The following PARD3B variants were observed in gnomAD, a reference collection of about 807,000 sequenced individuals.
PARD3B encodes par-3 family cell polarity regulator beta.
Under a neutral mutation model 130.2 loss-of-function variants are expected in PARD3B, and 103 were observed. The ratio of observed to expected loss-of-function variants is 0.79; its 90% confidence interval spans 0.67 to 0.93. The LOEUF is 0.93. Ranked by LOEUF, PARD3B falls within the 40% of genes least tolerant of loss-of-function variation. The pLI, the probability that PARD3B is intolerant of heterozygous loss-of-function variation, is 0.00. For synonymous variants in PARD3B, 583 were observed against 553.2 expected (o/e 1.05, Z -0.76); for missense variants, 1,609 against 1,499.2 (o/e 1.07, Z -1.21).
Position 205,558,549 on chromosome 2 carries a change from A to G in PARD3B, c.3260+5146A>G, listed in dbSNP as rs2052998885. Among the ~76,000 whole-genome samples the G allele has an allele frequency of 6.6e-6, 1 of 152,070 alleles. No homozygotes were observed. Among genetic ancestry groups the G allele is most frequent in the African/African-American group, 2.4e-5 (1 of 41,382 alleles). ...CATTTCCTAAGAAAAAGTGGGCTATACCTGTTGGTTCTATTTCCACTCAAC... is the reference window on the plus strand; with the variant it reads ...CATTTCCTAAGAAAAAGTGGGCTATGCCTGTTGGTTCTATTTCCACTCAAC... On this transcript the variant is annotated intron_variant, in intron 22 of 22. Coordinates refer to ENST00000406610, the MANE Select transcript of PARD3B (RefSeq NM_001302769.2). The surrounding 1 kb of genome is among the most constrained non-coding windows in gnomAD (Gnocchi z 4.8).
intron 2 of PARD3B, among the ~76,000 whole-genome samples, chr2:204,798,598 C>T (rs1265151523): frequency 6.6e-6 from 1 of 152,066 alleles, no homozygotes; most frequent in Non-Finnish European, 1.5e-5. Flanking sequence ...GCCCTTAGCC[C>T]CAGGCAGCAC....
chr2:205,514,487 A>G (rs2050711100), intron 21 of PARD3B, among the ~76,000 whole-genome samples: 1 of 152,174 alleles, frequency 6.6e-6, no homozygotes, highest in Admixed American at 6.6e-5. Context: ...GAACTAAAAA[A>G]GACATTTTTA....
intron 2 of PARD3B, among the ~76,000 whole-genome samples, chr2:204,860,595 A>G (rs1262776315): frequency 6.6e-6 from 1 of 152,210 alleles, no homozygotes; most frequent in East Asian, 1.9e-4. Flanking sequence ...CTGGTAAAAG[A>G]TATTCAATTG....
chr2:205,176,515 G>A lies in PARD3B; in HGVS notation c.1862G>A (p.Arg621Lys). The A allele has an allele frequency of 6.2e-7, 1 of 1,612,884 alleles. No individual in the cohort carries two copies. Among genetic ancestry groups the A allele is most frequent in the Non-Finnish European group, 8.5e-7 (1 of 1,179,146 alleles). The change falls in exon 13 of 23, where the codon AGG becomes AAG. Residue 621 changes from arginine (R) to lysine (K), a missense_variant. Arg to Lys is a conservative substitution (Grantham distance 26, BLOSUM62 2). Transcript: ENST00000406610. This position sits in a 1 kb window ranked among gnomAD's most constrained non-coding sequence, Gnocchi z 5.3. ...ENCQNAVTTS[R>K]RNDNSILHPL... ...TGTCAAAATGCTGTAACCACCTCTA[G>A]GCGAAATGATAATAGTATCCTGCAT...
intron 3 of PARD3B, among the ~76,000 whole-genome samples, chr2:205,046,393 A>G (rs529341849): frequency 8.5e-5 from 13 of 152,156 alleles, no homozygotes; most frequent in Middle Eastern, 3.4e-3. Context: ...TAAAAAGGAA[A>G]TAAAGGAATG....
In PARD3B at chr2:205,616,135, G is replaced by T; in HGVS notation, c.*322G>T. The T allele has an allele frequency of 3.4e-6, 1 of 296,846 alleles. No homozygotes were observed. The highest frequency in any genetic ancestry group is 6.3e-6 in the Non-Finnish European group (1 of 159,736). 18.4% of individuals were successfully genotyped at this position (296,846 alleles called of 1,614,324 possible). ...ACAACTAATTATGGAACTCTACTCT[G>T]GGGATCCTCTCTGGCTAGATAACCT... On this transcript the variant is annotated 3_prime_UTR_variant, in exon 23 of 23. Coordinates refer to ENST00000406610, the MANE Select transcript of PARD3B (RefSeq NM_001302769.2).
At chr2:204,929,973 T>A (rs1464594832) in intron 2 of PARD3B, among the ~76,000 whole-genome samples, 1 of 152,054 alleles carries the variant, frequency 6.6e-6, no homozygotes, top group Non-Finnish European at 1.5e-5. Flanking sequence ...ATCTATTTAC[T>A]TGTAGTCTAA....
At position 205,029,537 on chromosome 2, in the gene PARD3B, C is replaced by G. The variant is rs1301531321; in HGVS notation, c.395-18044C>G. On this transcript the variant is annotated intron_variant, in intron 3 of 22. Coordinates refer to ENST00000406610, the MANE Select transcript of PARD3B (RefSeq NM_001302769.2). The stretch of plus-strand genomic sequence containing the variant: ...TATATAGATGAATGGATTACGAATA[C>G]CCACTAAAATGTTCAGTCTGCTATG... Among the ~76,000 whole-genome samples the G allele has an allele frequency of 2.6e-5, 4 of 152,256 alleles. No homozygotes were observed. The East Asian group carries it at 7.7e-4, about 29-fold the overall frequency.
chr2:205,409,322 A>T (rs181497726), intron 19 of PARD3B, among the ~76,000 whole-genome samples: 1 of 152,298 alleles, frequency 6.6e-6, no homozygotes, highest in Non-Finnish European at 1.5e-5. Context: ...GTAGCCATAC[A>T]CCCACACTAC....
intron 14 of PARD3B, among the ~76,000 whole-genome samples, chr2:205,190,474 C>T (rs1232894060): frequency 6.6e-6 from 1 of 152,132 alleles, no homozygotes; most frequent in Non-Finnish European, 1.5e-5. Flanking sequence ...AAATGTAAGC[C>T]ACATAGTAAA....
intron 2 of PARD3B, among the ~76,000 whole-genome samples, chr2:204,961,254 G>T (rs2125846096): frequency 6.6e-6 from 1 of 152,206 alleles, no homozygotes; most frequent in African/African-American, 2.4e-5. Flanking sequence ...AGAGGCAGTG[G>T]GTAGAAACAA....
intron 1 of PARD3B, among the ~76,000 whole-genome samples, chr2:204,650,374 CA>C (rs1364218954): frequency 3.2e-4 from 48 of 152,116 alleles, no homozygotes; most frequent in African/African-American, 1.1e-3. Context: ...AATGACCATT[CA>C]ACCCAGCAAT....
chr2:204,933,741 A>G (rs1396567307), intron 2 of PARD3B, among the ~76,000 whole-genome samples: 1 of 152,164 alleles, frequency 6.6e-6, no homozygotes, highest in Non-Finnish European at 1.5e-5. Context: ...AGCTACTTGG[A>G]TCTCTTGCCT....
chr2:205,102,684 C>T (rs1055268171), intron 4 of PARD3B, among the ~76,000 whole-genome samples: 3 of 152,188 alleles, frequency 2.0e-5, no homozygotes, highest in African/African-American at 7.2e-5. Flanking sequence ...TGAAATGTTG[C>T]TACTCAATCT....
At chr2:205,096,513 A>G (rs2125552782) in intron 4 of PARD3B, among the ~76,000 whole-genome samples, 1 of 152,328 alleles carries the variant, frequency 6.6e-6, no homozygotes, top group Admixed American at 6.5e-5. Flanking sequence ...TAGCCTCTGT[A>G]GCACATAATC....
rs2052988582 is a variant in PARD3B, at chr2:205,558,380, T to C, written c.3260+4977T>C. Among the ~76,000 whole-genome samples, 1 of 152,138 alleles carries C rather than the reference T, an allele frequency of 6.6e-6. No individual in the cohort carries two copies. Reference sequence around the variant, plus strand: ...TCCAGAGATACTGCTAAGATACTCCTATTATCTCAGGACCGGGCAGTGCTG... The same window carrying C: ...TCCAGAGATACTGCTAAGATACTCCCATTATCTCAGGACCGGGCAGTGCTG... On this transcript the variant is annotated intron_variant, in intron 22 of 22. Coordinates refer to ENST00000406610, the MANE Select transcript of PARD3B (RefSeq NM_001302769.2). The surrounding 1 kb of genome is among the most constrained non-coding windows in gnomAD (Gnocchi z 4.8).
intron 21 of PARD3B, among the ~76,000 whole-genome samples, chr2:205,523,344 T>A (rs970046147): frequency 1.3e-5 from 2 of 151,188 alleles, no homozygotes; most frequent in Non-Finnish European, 2.9e-5. Context: ...TCCCAGGTTC[T>A]AGCAATTCTT....
intron 20 of PARD3B, among the ~76,000 whole-genome samples, chr2:205,466,964 T>G (rs1294773940): frequency 6.6e-6 from 1 of 152,206 alleles, no homozygotes; most frequent in East Asian, 1.9e-4. Flanking sequence ...CCGCCCACCT[T>G]GGCCTACCAA....
intron 22 of PARD3B, among the ~76,000 whole-genome samples, chr2:205,557,399 T>G (rs1012921986): frequency 1.3e-5 from 2 of 152,186 alleles, no homozygotes; most frequent in African/African-American, 2.4e-5. Context: ...GGAGGTGATC[T>G]CACTTCCTTT....
Sources: gnomAD v4.1 joint callset for allele counts (sites outside exome capture counted in the v4.1 genomes callset) on GRCh38, gnomAD v4.1.1 for gene constraint, Gnocchi (gnomAD v3.1) non-coding constraint, MANE v1.5 for transcripts, NCBI Gene and HGNC (gene_info 2026-07-23, HGNC 2026-07-21) for gene names.